Variants in PAPSS1 observed in about 807,000 individuals in gnomAD.
PAPSS1 encodes the protein bifunctional 3'-phosphoadenosine 5'-phosphosulfate synthase 1.
A neutral mutation model predicts 72.0 loss-of-function variants in PAPSS1; 50 were observed. The observed-to-expected ratio is 0.69, with a 90% CI of 0.55 to 0.88. PAPSS1 has a LOEUF of 0.88. Among genes scored for constraint, PAPSS1 ranks in the 40% least tolerant of loss-of-function variants. The pLI, the probability that PAPSS1 is intolerant of heterozygous loss-of-function variation, is 0.00. For missense variants in PAPSS1, 657 were observed against 782.2 expected, an observed-to-expected ratio of 0.84 and a Z score of 1.91; for synonymous variants, 261 against 263.6, an observed-to-expected ratio of 0.99 and a Z score of 0.09.
chr4:107,669,463 T>C (rs778689517), intron 5 of PAPSS1, among the ~76,000 whole-genome samples: 18 of 152,350 alleles, frequency 1.2e-4, no homozygotes, highest in Non-Finnish European at 1.9e-4. Context: ...TTCTAGTCTA[T>C]ACACTATAAA....
At chr4:107,665,165 G>A (rs544773811) in intron 5 of PAPSS1, among the ~76,000 whole-genome samples, 1 of 152,322 alleles carries the variant, frequency 6.6e-6, no homozygotes, top group South Asian at 2.1e-4. Flanking sequence ...CTGTGGAAAT[G>A]AGTTATACAC....
At chr4:107,618,555 G>C (rs1284801067) in intron 11 of PAPSS1, among the ~76,000 whole-genome samples, 1 of 151,676 alleles carries the variant, frequency 6.6e-6, no homozygotes, top group East Asian at 1.9e-4. Context: ...CAAGGAGGAG[G>C]GTCAGGAGTG....
In PAPSS1 at chr4:107,634,114, C is replaced by T. The variant is rs143857013; in HGVS notation, c.1507-2254G>A. On this transcript the variant is annotated intron_variant, in intron 10 of 11. Coordinates refer to ENST00000265174, the MANE Select transcript of PAPSS1 (RefSeq NM_005443.5). Reference sequence around the variant, plus strand: ...TTTACTGCAGGTTCAGCCTCCCGGGCTCAGGCAATCCTCCCATCTCAGCCT... The same window carrying T: ...TTTACTGCAGGTTCAGCCTCCCGGGTTCAGGCAATCCTCCCATCTCAGCCT... 4.6e-5 allele frequency among the ~76,000 whole-genome samples: 7 copies of T among 152,082 alleles called. No homozygotes were observed. In the East Asian group the frequency reaches 7.8e-4, roughly 17 times the overall value.
chr4:107,631,759 A>C lies in PAPSS1; in HGVS notation c.1608T>G (p.Leu536=). 6.2e-7 allele frequency: 1 copy of C among 1,614,120 alleles called. No individual in the cohort carries two copies. Among genetic ancestry groups the C allele is most frequent in the African/African-American group, 1.3e-5 (1 of 75,034 alleles). ...CTTTGGCACCATGACTTGGCTCATA[A>C]AGATCCTTCCCTGTTTCTGGATGAG... The part of the protein sequence containing the change: ...GMPHPETGKD[L]YEPSHGAKVL... Residue 536 remains leucine, a synonymous_variant, in exon 11 of 12, where the codon CTT becomes CTG. Coordinates refer to ENST00000265174, the MANE Select transcript of PAPSS1 (RefSeq NM_005443.5).
intron 11 of PAPSS1, among the ~76,000 whole-genome samples, chr4:107,631,337 A>T (rs74521311): frequency 0.015 from 2,353 of 152,328 alleles, 60 homozygotes; most frequent in African/African-American, 0.055. Flanking sequence ...AACATCACTA[A>T]GTCCTCAAAC....
At chr4:107,620,348 C>A (rs1389043720) in intron 11 of PAPSS1, among the ~76,000 whole-genome samples, 2 of 152,160 alleles carry the variant, frequency 1.3e-5, no homozygotes, top group Admixed American at 1.3e-4. Flanking sequence ...TCTTCAAAAT[C>A]AGATAAACAT....
At chr4:107,684,997 C>T (rs906073999) in intron 4 of PAPSS1, among the ~76,000 whole-genome samples, 1 of 152,160 alleles carries the variant, frequency 6.6e-6, no homozygotes, top group Non-Finnish European at 1.5e-5. Context: ...GCTCTGCCTC[C>T]TGTGTTCACG....
intron 10 of PAPSS1, among the ~76,000 whole-genome samples, chr4:107,637,646 G>A (rs1207612658): frequency 6.6e-6 from 1 of 152,110 alleles, no homozygotes; most frequent in Non-Finnish European, 1.5e-5. Context: ...ACCAAAATCT[G>A]CATTTATTTA....
rs573522344 is a variant in PAPSS1 at position 107,690,765 on chromosome 4, C to T, written c.411+3006G>A. Among the ~76,000 whole-genome samples the T allele has an allele frequency of 2.0e-5, 3 of 152,182 alleles. No homozygotes were observed. In the South Asian group the frequency reaches 6.2e-4, roughly 32 times the overall value. On this transcript the variant is annotated intron_variant, in intron 3 of 11. Transcript: ENST00000265174. ...CATAGTCCAAACCTCATTATCAGTG[C>T]TTTTATAGATGAGGTCAACAAAGAT...
chr4:107,633,197 T>C (rs1281853836), intron 10 of PAPSS1, among the ~76,000 whole-genome samples: 1 of 152,250 alleles, frequency 6.6e-6, no homozygotes, highest in Non-Finnish European at 1.5e-5. Flanking sequence ...GAGGTTCTTA[T>C]TCCCCAACAG....
intron 10 of PAPSS1, among the ~76,000 whole-genome samples, chr4:107,641,215 C>T (rs906828716): frequency 5.9e-5 from 9 of 152,190 alleles, no homozygotes; most frequent in African/African-American, 2.2e-4. Flanking sequence ...TATCTGCTCA[C>T]CCTCATTATC....
At chr4:107,651,182 G>A (rs898043590) in intron 9 of PAPSS1, among the ~76,000 whole-genome samples, 13 of 152,094 alleles carry the variant, frequency 8.5e-5, no homozygotes, top group African/African-American at 2.7e-4. Context: ...GGAGAAAAGG[G>A]ATCCCACACT....
At chr4:107,705,066 T>C (rs1458192598) in intron 1 of PAPSS1, among the ~76,000 whole-genome samples, 2 of 152,226 alleles carry the variant, frequency 1.3e-5, no homozygotes, top group African/African-American at 4.8e-5. Flanking sequence ...TTTGCTACTA[T>C]GTGTTCAGGA....
intron 5 of PAPSS1, among the ~76,000 whole-genome samples, chr4:107,662,199 T>C (rs1315164959): frequency 6.6e-6 from 1 of 152,238 alleles, no homozygotes; most frequent in Non-Finnish European, 1.5e-5. Flanking sequence ...GGTGTAGACA[T>C]GAACGGCACT....
At chr4:107,630,992 T>C (rs1726212462) in intron 11 of PAPSS1, among the ~76,000 whole-genome samples, 2 of 149,864 alleles carry the variant, frequency 1.3e-5, no homozygotes, top group African/African-American at 4.9e-5. Flanking sequence ...TGGCTCAATG[T>C]ACACAAATTG....
At chr4:107,714,844 T>C (rs576337663) in intron 1 of PAPSS1, among the ~76,000 whole-genome samples, 5 of 152,086 alleles carry the variant, frequency 3.3e-5, no homozygotes, top group Admixed American at 2.6e-4. Flanking sequence ...GGGAAGCATA[T>C]TGACACTTCA....
chr4:107,693,401 A>G (rs1272246449), intron 3 of PAPSS1, among the ~76,000 whole-genome samples: 1 of 152,242 alleles, frequency 6.6e-6, no homozygotes, highest in Non-Finnish European at 1.5e-5. Context: ...CAAAGAAGCC[A>G]TGGTAGGGCA....
chr4:107,652,871 T>G (rs920446474), intron 9 of PAPSS1, among the ~76,000 whole-genome samples: 2 of 152,152 alleles, frequency 1.3e-5, no homozygotes, highest in Admixed American at 1.3e-4. Context: ...GTGTTGTTTC[T>G]TTTAATTTTT....
At chr4:107,686,941 TCA>T in intron 4 of PAPSS1, 96 bp downstream of exon 4, 3 of 874,456 alleles carry the variant, frequency 3.4e-6, no homozygotes, top group Non-Finnish European at 5.1e-6. Flanking sequence ...GAGCTCCAAG[TCA>T]CTCTAACACT....
Sources: gnomAD v4.1 joint callset for allele counts (sites outside exome capture counted in the v4.1 genomes callset) on GRCh38, gnomAD v4.1.1 for gene constraint, MANE v1.5 for transcripts, NCBI Gene and HGNC (gene_info 2026-07-23, HGNC 2026-07-21) for gene names.